CBLB: variants seen among roughly 807,000 people sequenced by gnomAD.
CBLB encodes the protein Cbl proto-oncogene B.
A neutral mutation model predicts 104.9 loss-of-function variants in CBLB; 31 were observed. The ratio of observed to expected loss-of-function variants is 0.30; its 90% confidence interval spans 0.22 to 0.40. CBLB has a LOEUF of 0.40. Ranked by LOEUF, CBLB falls within the 10% of genes least tolerant of loss-of-function variation. The probability of loss-of-function intolerance (pLI) is 1.00; values close to 1 mark genes in which losing one functional copy is unlikely to be tolerated. For synonymous variants in CBLB, 440 were observed against 422.6 expected (o/e 1.04, Z -0.51); for missense variants, 1,062 against 1,214.6 (o/e 0.87, Z 1.87).
chr3:105,780,317 T>C (rs1255580324), intron 3 of CBLB, among the ~76,000 whole-genome samples: 1 of 152,164 alleles, frequency 6.6e-6, no homozygotes, highest in Non-Finnish European at 1.5e-5. Context: ...TTAGCCAATC[T>C]TCCCTAAGCC....
chr3:105,813,706 G>C (rs768378117), intron 3 of CBLB, among the ~76,000 whole-genome samples: 2 of 152,070 alleles, frequency 1.3e-5, no homozygotes, highest in Non-Finnish European at 2.9e-5. Flanking sequence ...TGTGATGAAA[G>C]TATTACATGA....
intron 3 of CBLB, among the ~76,000 whole-genome samples, chr3:105,835,712 C>G (rs928323998): frequency 1.3e-5 from 2 of 152,130 alleles, no homozygotes; most frequent in Non-Finnish European, 2.9e-5. Context: ...AAAATAACAT[C>G]TAATTAAAAT....
intron 3 of CBLB, among the ~76,000 whole-genome samples, chr3:105,846,346 T>C (rs1030848762): frequency 6.6e-6 from 1 of 152,070 alleles, no homozygotes. Context: ...TTCCCTTTCA[T>C]GTATCATTAC....
rs1426655479 is a variant in CBLB, at chr3:105,658,588, G to T, written c.*382C>A. ...CAGCAGACCTGACCACGCTACAAAG[G>T]GTCTGTGAAGAACACAGTACAGGTA... is the stretch of plus-strand genomic sequence containing the variant. On this transcript the variant is annotated 3_prime_UTR_variant, in exon 19 of 19. Transcript: ENST00000394030. The T allele has an allele frequency of 6.4e-6, 2 of 310,964 alleles. No homozygotes were observed. Among genetic ancestry groups the T allele is most frequent in the Admixed American group, 9.1e-5 (2 of 22,074 alleles). 19.3% of individuals were successfully genotyped at this position (310,964 alleles called of 1,614,324 possible).
intron 10 of CBLB, among the ~76,000 whole-genome samples, chr3:105,715,219 G>A (rs928925884): frequency 1.3e-5 from 2 of 152,126 alleles, no homozygotes; most frequent in African/African-American, 4.8e-5. Flanking sequence ...CCTGGACTTT[G>A]TCTGAGGGCT....
intron 3 of CBLB, among the ~76,000 whole-genome samples, chr3:105,817,322 G>A (rs2085203153): frequency 6.6e-6 from 1 of 152,094 alleles, no homozygotes; most frequent in African/African-American, 2.4e-5. Flanking sequence ...AAGAACAGGG[G>A]ACAAGGAGGA....
chr3:105,759,582 T>G (rs72995643), intron 4 of CBLB, among the ~76,000 whole-genome samples: 52 of 152,270 alleles, frequency 3.4e-4, no homozygotes, highest in African/African-American at 1.3e-3. Flanking sequence ...TGGAAAGGGA[T>G]GCGGTGGCAG....
In CBLB at chr3:105,866,913, A is replaced by C. The variant is rs143296672; in HGVS notation, c.168+497T>G. ...TAACAACAAAAAAAGTTTCTTAATG[A>C]AGATGAATTCTCAAAGATGAAAATG... is the stretch of plus-strand genomic sequence containing the variant. On this transcript the variant is annotated intron_variant, in intron 2 of 18. Transcript: ENST00000394030. 9.3e-4 allele frequency among the ~76,000 whole-genome samples: 142 copies of C among 152,370 alleles called. 1 individual carries two copies. Among genetic ancestry groups the C allele is most frequent in the African/African-American group, 3.2e-3 (135 of 41,584 alleles).
chr3:105,704,918 T>TTG (rs749885567), intron 10 of CBLB, among the ~76,000 whole-genome samples: 16 of 151,922 alleles, frequency 1.1e-4, no homozygotes, highest in Non-Finnish European at 2.2e-4. Context: ...TGTTGTGTGT[T>TTG]TGTGTGTGTG....
intron 3 of CBLB, among the ~76,000 whole-genome samples, chr3:105,839,876 G>A (rs963027489): frequency 6.6e-6 from 1 of 152,176 alleles, no homozygotes; most frequent in Non-Finnish European, 1.5e-5. Context: ...ATTGTAATGA[G>A]AACAAACTAA....
chr3:105,677,052 T>C (rs927892176), intron 17 of CBLB, among the ~76,000 whole-genome samples: 1 of 152,154 alleles, frequency 6.6e-6, no homozygotes, highest in African/African-American at 2.4e-5. Context: ...AGTGCTTTTA[T>C]GGCAGTGTGA....
chr3:105,839,153 T>C (rs1003029450), intron 3 of CBLB, among the ~76,000 whole-genome samples: 1 of 152,126 alleles, frequency 6.6e-6, no homozygotes, highest in East Asian at 1.9e-4. Flanking sequence ...AGATCCCAAC[T>C]GGTAAATTTA....
At chr3:105,748,570 T>A (rs2076320980) in intron 5 of CBLB, among the ~76,000 whole-genome samples, 1 of 152,146 alleles carries the variant, frequency 6.6e-6, no homozygotes, top group Non-Finnish European at 1.5e-5. Flanking sequence ...AAAATCCCTA[T>A]AATTTCTTTC....
intron 17 of CBLB, 46 bp downstream of exon 17, chr3:105,678,385 T>C: frequency 1.3e-6 from 2 of 1,576,976 alleles, no homozygotes; most frequent in East Asian, 2.2e-5. Context: ...GTTTTGGAAA[T>C]ATTTTTGCTT....
chr3:105,756,721 C>T (rs1424679910), intron 4 of CBLB, among the ~76,000 whole-genome samples: 1 of 152,078 alleles, frequency 6.6e-6, no homozygotes, highest in Non-Finnish European at 1.5e-5. Context: ...GGCATTGGTA[C>T]AAGCATAAAC....
At chr3:105,836,751 C>G (rs2088579951) in intron 3 of CBLB, among the ~76,000 whole-genome samples, 1 of 152,048 alleles carries the variant, frequency 6.6e-6, no homozygotes, top group Admixed American at 6.6e-5. Context: ...TCTAGTGAGT[C>G]AAAACAAACT....
chr3:105,868,340 G>C (rs1398694033), intron 1 of CBLB: 5 of 645,348 alleles, frequency 7.7e-6, no homozygotes, highest in Non-Finnish European at 4.4e-6. Flanking sequence ...TTTGTTTCAG[G>C]ACGCCTGTGT....
intron 2 of CBLB, among the ~76,000 whole-genome samples, chr3:105,863,190 T>C (rs1222815109): frequency 6.6e-6 from 1 of 152,206 alleles, no homozygotes; most frequent in East Asian, 1.9e-4. Context: ...TAAACCAAGG[T>C]AAGTCTTCAT....
At chr3:105,661,384 T>C (rs1456056449) in intron 18 of CBLB, among the ~76,000 whole-genome samples, 7 of 152,218 alleles carry the variant, frequency 4.6e-5, no homozygotes, top group Non-Finnish European at 4.4e-5. Flanking sequence ...TATGTTTTGC[T>C]TTTAATCATT....
Sources: gnomAD v4.1 joint callset for allele counts (sites outside exome capture counted in the v4.1 genomes callset) on GRCh38, gnomAD v4.1.1 for gene constraint, MANE v1.5 for transcripts, NCBI Gene and HGNC (gene_info 2026-07-23, HGNC 2026-07-21) for gene names.